DHRSX: variants seen among roughly 807,000 people sequenced by gnomAD.
The protein encoded by DHRSX is polyprenol dehydrogenase.
Under a neutral mutation model 34.0 loss-of-function variants are expected in DHRSX, and 31 were observed. The observed-to-expected ratio is 0.91, with a 90% CI of 0.69 to 1.23. The LOEUF (loss-of-function observed/expected upper bound fraction) is 1.23, where lower values mean the gene tolerates loss of function less well. Ranked by LOEUF, DHRSX falls within the 50% of genes most tolerant of loss-of-function variation. The probability of loss-of-function intolerance (pLI) is 0.00; values close to 1 mark genes in which losing one functional copy is unlikely to be tolerated. For synonymous variants in DHRSX, 201 were observed against 183.8 expected (o/e 1.09, Z -0.76); for missense variants, 414 against 428.1 (o/e 0.97, Z 0.29).
intron 1 of DHRSX, among the ~76,000 whole-genome samples, chrX:2,498,044 T>C (rs1821066028): frequency 6.6e-6 from 1 of 152,202 alleles, no homozygotes; most frequent in Non-Finnish European, 1.5e-5. Flanking sequence ...TGTAAAGGCA[T>C]GACCAACATC....
chrX:2,410,784 G>T (rs1337658931), intron 2 of DHRSX, among the ~76,000 whole-genome samples: 1 of 152,246 alleles, frequency 6.6e-6, no homozygotes, highest in Non-Finnish European at 1.5e-5. Flanking sequence ...TTTGGCTCCA[G>T]TGGGAGACGG....
intron 1 of DHRSX, among the ~76,000 whole-genome samples, chrX:2,453,357 A>C (rs890779569): frequency 6.6e-6 from 1 of 151,006 alleles, no homozygotes; most frequent in Non-Finnish European, 1.5e-5. Context: ...AACAGAATGA[A>C]ACCCCATCTC....
intron 3 of DHRSX, among the ~76,000 whole-genome samples, chrX:2,401,883 C>T (rs1466151561): frequency 6.6e-6 from 1 of 152,186 alleles, no homozygotes; most frequent in Non-Finnish European, 1.5e-5. Flanking sequence ...GCCATCTCGC[C>T]CAGATTCCTG....
rs769171352 is a variant in DHRSX, at chrX:2,285,918, G to A, written c.388+5584C>T. Among the ~76,000 whole-genome samples, 4 of 152,110 alleles carry A rather than the reference G, an allele frequency of 2.6e-5. No individual in the cohort carries two copies. In the South Asian group the frequency reaches 6.2e-4, roughly 24 times the overall value. On this transcript the variant is annotated intron_variant, in intron 4 of 6. Transcript: ENST00000334651. ...CCAGCTGGTGATGAACCCATTCTCA[G>A]CGTTGACTGTATAGAATCCAGCCTT...
chrX:2,349,283 G>A (rs2042757410), intron 3 of DHRSX, among the ~76,000 whole-genome samples: 1 of 152,052 alleles, frequency 6.6e-6, no homozygotes, highest in South Asian at 2.1e-4. Context: ...AGAAAATGCG[G>A]TACAGCTGGG....
intron 1 of DHRSX, among the ~76,000 whole-genome samples, chrX:2,467,077 A>AAAAC (rs1556526633): frequency 8.4e-4 from 126 of 149,904 alleles, no homozygotes; most frequent in African/African-American, 3.1e-3. Flanking sequence ...AAAAAAAAAA[A>AAAAC]AAAAACGCTA....
chrX:2,252,190 C>T (rs112175709), intron 5 of DHRSX, among the ~76,000 whole-genome samples: 56,983 of 151,874 alleles, frequency 0.38, 13,389 homozygotes, highest in Non-Finnish European at 0.55. Flanking sequence ...TGAGCTGATA[C>T]CACGCCATTG....
chrX:2,327,508 T>C (rs2042400824), intron 3 of DHRSX, among the ~76,000 whole-genome samples: 1 of 152,166 alleles, frequency 6.6e-6, no homozygotes, highest in Non-Finnish European at 1.5e-5. Flanking sequence ...CCCTGCTCAG[T>C]TGGCCTCGTG....
chrX:2,454,527 C>T (rs868110723), intron 1 of DHRSX, among the ~76,000 whole-genome samples: 11 of 137,766 alleles, frequency 8.0e-5, no homozygotes, highest in African/African-American at 2.6e-4. Context: ...AACTCCGTCT[C>T]AAAAAAAAAA....
At chrX:2,362,377 T>C (rs1351473741) in intron 3 of DHRSX, among the ~76,000 whole-genome samples, 1 of 152,196 alleles carries the variant, frequency 6.6e-6, no homozygotes, top group Non-Finnish European at 1.5e-5. Flanking sequence ...CTTGGCTCAC[T>C]GCAACCTCCG....
chrX:2,329,917 G>C (rs1239995702), intron 3 of DHRSX, among the ~76,000 whole-genome samples: 1 of 151,956 alleles, frequency 6.6e-6, no homozygotes, highest in Admixed American at 6.6e-5. Context: ...CTCTTGCTTA[G>C]ACCATGGGTA....
At chrX:2,422,581 C>T (rs184330386) in intron 2 of DHRSX, among the ~76,000 whole-genome samples, 13 of 152,134 alleles carry the variant, frequency 8.5e-5, no homozygotes, top group African/African-American at 2.2e-4. Flanking sequence ...TAAGTCAATA[C>T]GATCCTGCAT....
In DHRSX at chrX:2,433,835, C is replaced by T. The variant is rs781634387; in HGVS notation, c.110-8531G>A. Among the ~76,000 whole-genome samples the T allele has an allele frequency of 9.9e-5, 15 of 152,204 alleles. No homozygotes were observed. The South Asian group carries it at 2.1e-3, about 21-fold the overall frequency. ...TGTCGCCCAGGCTGGAATGCAGTGG[C>T]GCAATATCAGCTCAATGCAAGCTCC... On this transcript the variant is annotated intron_variant, in intron 1 of 6. Coordinates refer to ENST00000334651, the MANE Select transcript of DHRSX (RefSeq NM_145177.3).
chrX:2,328,704 T>G (rs1160487209), intron 3 of DHRSX, among the ~76,000 whole-genome samples: 1 of 152,184 alleles, frequency 6.6e-6, no homozygotes, highest in Non-Finnish European at 1.5e-5. Flanking sequence ...CCTTCAGAAC[T>G]GTGGGAAAAT....
intron 3 of DHRSX, among the ~76,000 whole-genome samples, chrX:2,328,884 AAG>A: frequency 6.6e-6 from 1 of 152,158 alleles, no homozygotes; most frequent in Middle Eastern, 3.4e-3. Context: ...TAACCCCCGG[AAG>A]AGTGTTCTGT....
intron 3 of DHRSX, among the ~76,000 whole-genome samples, chrX:2,398,215 A>T (rs2043438724): frequency 6.6e-6 from 1 of 152,182 alleles, no homozygotes; most frequent in Non-Finnish European, 1.5e-5. Flanking sequence ...AAAATATGTC[A>T]GTATGACTCA....
chrX:2,247,358 TA>T (rs748976732), intron 5 of DHRSX, among the ~76,000 whole-genome samples: 13 of 147,482 alleles, frequency 8.8e-5, no homozygotes, highest in African/African-American at 2.2e-4. Context: ...CCTGAAACTA[TA>T]AAAAAAAAAT....
chrX:2,251,693 A>G (rs2016437674), intron 5 of DHRSX, among the ~76,000 whole-genome samples: 1 of 152,166 alleles, frequency 6.6e-6, no homozygotes, highest in Admixed American at 6.6e-5. Context: ...GAGGAAATTA[A>G]TGTTCAAGTG....
intron 3 of DHRSX, among the ~76,000 whole-genome samples, chrX:2,314,486 G>GAAGGGAGGAAGGGAGGTAGGT (rs2042217949): frequency 8.5e-6 from 1 of 118,270 alleles, no homozygotes; most frequent in African/African-American, 5.7e-5. Context: ...AGGAAGGAAG[G>GAAGGGAGGAAGGGAGGTAGGT]AAGGGAGGTA....
Sources: allele counts gnomAD v4.1 joint callset (sites outside exome capture counted in the v4.1 genomes callset), GRCh38; gene constraint gnomAD v4.1.1; transcripts MANE v1.5; gene names NCBI Gene and HGNC (gene_info 2026-07-23, HGNC 2026-07-21).